Variants in MTRFR observed in about 807,000 individuals in gnomAD.
MTRFR encodes probable peptide chain release factor C12orf65, mitochondrial.
MTRFR carries 10 observed loss-of-function variants against 11.9 expected under a neutral mutation model. That is an observed-to-expected ratio of 0.84 (90% CI 0.52 to 1.42). MTRFR has a LOEUF of 1.42. Ranked by LOEUF, MTRFR falls within the 40% of genes most tolerant of loss-of-function variation. MTRFR has a pLI of 0.00. For synonymous variants in MTRFR, 77 were observed against 79.1 expected, an observed-to-expected ratio of 0.97 and a Z score of 0.14; for missense variants, 196 against 197.9, an observed-to-expected ratio of 0.99 and a Z score of 0.06.
At chr12:123,250,915 C>T (rs1337626433) in intron 1 of MTRFR, 1 of 152,160 alleles carries the variant, frequency 6.6e-6, no homozygotes, top group African/African-American at 2.4e-5. Flanking sequence ...TTTATTTGCC[C>T]TTTGTCTTCC....
At position 123,256,953 on chromosome 12, in the gene MTRFR, G is replaced by GA; in HGVS notation, c.430dup (p.Arg144LysfsTer13). On this transcript the variant is annotated frameshift_variant, in exon 3 of 3. Coordinates refer to ENST00000253233, the MANE Select transcript of MTRFR (RefSeq NM_152269.5). LOFTEE classifies it high-confidence loss of function. Reference sequence around the variant, plus strand: ...AAGCGGCGAAGAAAAAACAAGAAAGGAAAAAAAGAGCAAAGGAAACCCTGG... The same window carrying GA: ...AAGCGGCGAAGAAAAAACAAGAAAGGAAAAAAAAGAGCAAAGGAAACCCTGG... The GA allele has an allele frequency of 6.2e-7, 1 of 1,613,046 alleles. No homozygotes were observed. Among genetic ancestry groups the GA allele is most frequent in the Non-Finnish European group, 8.5e-7 (1 of 1,179,758 alleles).
intron 1 of MTRFR, among the ~76,000 whole-genome samples, chr12:123,246,490 G>A (rs962882071): frequency 8.8e-6 from 1 of 113,922 alleles, no homozygotes; most frequent in Admixed American, 1.0e-4. Flanking sequence ...TTTTGTTCTT[G>A]TGCCCAGGCT....
intron 1 of MTRFR, among the ~76,000 whole-genome samples, chr12:123,244,207 T>TG (rs2047997908): frequency 6.6e-6 from 1 of 152,174 alleles, no homozygotes; most frequent in Admixed American, 6.5e-5. Flanking sequence ...CTGAGGCTGG[T>TG]GGATCACCTC....
At chr12:123,248,454 T>TC (rs1336534321) in intron 1 of MTRFR, 1 of 157,250 alleles carries the variant, frequency 6.4e-6, no homozygotes, top group African/African-American at 2.4e-5. Context: ...CTTGCTGACT[T>TC]CAAGAATGAA....
At chr12:123,247,526 C>T (rs1233536466) in intron 1 of MTRFR, among the ~76,000 whole-genome samples, 3 of 152,160 alleles carry the variant, frequency 2.0e-5, no homozygotes, top group South Asian at 2.1e-4. Context: ...TTTAAGTTTA[C>T]GTGAGTCTTT....
intron 1 of MTRFR, among the ~76,000 whole-genome samples, chr12:123,245,492 A>G (rs1460685968): frequency 1.3e-5 from 2 of 152,100 alleles, no homozygotes; most frequent in South Asian, 2.1e-4. Context: ...CATTTTCACA[A>G]TATTGATTCT....
rs11554169 is a variant in MTRFR, at chr12:123,257,159, C to A, written c.*128C>A. On this transcript the variant is annotated 3_prime_UTR_variant, in exon 3 of 3. Transcript: ENST00000253233. Reference sequence around the variant, plus strand: ...TATTTTTGATGAACTTAAAAGACAACAAATTTATTTAAATGGTGCACTAAA... The same window carrying A: ...TATTTTTGATGAACTTAAAAGACAAAAAATTTATTTAAATGGTGCACTAAA... The A allele has an allele frequency of 0.05, 39,928 of 797,474 alleles. 1,967 individuals are homozygous for A. Among genetic ancestry groups the A allele is most frequent in the East Asian group, 0.25 (10,213 of 40,844 alleles). 49.4% of individuals were successfully genotyped at this position (797,474 alleles called of 1,614,324 possible).
chr12:123,236,946 G>A (rs923046597), intron 1 of MTRFR, among the ~76,000 whole-genome samples: 3 of 151,970 alleles, frequency 2.0e-5, no homozygotes, highest in African/African-American at 4.8e-5. Context: ...TTAGCCAAGC[G>A]TGGCGGCATG....
At chr12:123,235,827 G>A (rs1354208787) in intron 1 of MTRFR, among the ~76,000 whole-genome samples, 1 of 151,926 alleles carries the variant, frequency 6.6e-6, no homozygotes, top group African/African-American at 2.4e-5. Context: ...ACTTCGGGAG[G>A]CCGAGGCAAG....
intron 1 of MTRFR, among the ~76,000 whole-genome samples, chr12:123,253,002 T>G (rs2138790464): frequency 6.6e-6 from 1 of 150,976 alleles, no homozygotes; most frequent in Non-Finnish European, 1.5e-5. Context: ...ATACTGGCAC[T>G]TGACCCAGAT....
At chr12:123,239,873 T>G (rs370620116) in intron 1 of MTRFR, among the ~76,000 whole-genome samples, 4 of 152,162 alleles carry the variant, frequency 2.6e-5, no homozygotes, top group Non-Finnish European at 5.9e-5. Flanking sequence ...CTTGGGACGA[T>G]TTCCTTGCCC....
intron 2 of MTRFR, 158 bp downstream of exon 2, chr12:123,254,114 C>T (rs1305470116): frequency 6.2e-6 from 5 of 807,796 alleles, no homozygotes; most frequent in African/African-American, 1.7e-5. Context: ...CCGCAGATCT[C>T]GTCCCATCCC....
chr12:123,242,282 T>G (rs1024504428), intron 1 of MTRFR, among the ~76,000 whole-genome samples: 1 of 152,174 alleles, frequency 6.6e-6, no homozygotes, highest in Non-Finnish European at 1.5e-5. Flanking sequence ...GCGCCAGCCC[T>G]ACGCCGAAGC....
chr12:123,241,668 C>G (rs2047939781), intron 1 of MTRFR, among the ~76,000 whole-genome samples: 2 of 151,824 alleles, frequency 1.3e-5, no homozygotes. Context: ...TGAGGTCTCC[C>G]TATGTTGCAC....
At position 123,253,822 on chromosome 12, in the gene MTRFR, C is replaced by G; in HGVS notation, c.148C>G (p.Pro50Ala). 1 of 1,614,178 alleles carries G rather than the reference C, an allele frequency of 6.2e-7. No homozygotes were observed. Among genetic ancestry groups the G allele is most frequent in the Non-Finnish European group, 8.5e-7 (1 of 1,180,048 alleles). The change falls in exon 2 of 3, where the codon CCT (proline) becomes GCT (alanine). Residue 50 changes from proline to alanine, a missense_variant. Transcript: ENST00000253233. ...CCAGATGGCAGGCAAGAAGGACTAC[C>G]CTGCACTGCTTTCCTTGGATGAGAA... ...PVQMAGKKDY[P>A]ALLSLDENEL...
intron 1 of MTRFR, among the ~76,000 whole-genome samples, chr12:123,243,105 G>T (rs907709068): frequency 5.9e-5 from 9 of 152,148 alleles, no homozygotes; most frequent in African/African-American, 2.2e-4. Flanking sequence ...TAAGGTATTT[G>T]ATTTTATACA....
chr12:123,248,951 T>A (rs1370221726), intron 1 of MTRFR: 3 of 120,868 alleles, frequency 2.5e-5, no homozygotes, highest in African/African-American at 5.0e-5. Flanking sequence ...GTTCTCCAAG[T>A]CCCTAGATTT....
chr12:123,248,014 G>A (rs1159236273), intron 1 of MTRFR, among the ~76,000 whole-genome samples: 1 of 151,948 alleles, frequency 6.6e-6, no homozygotes. Flanking sequence ...TGTACTTTAG[G>A]GGTTTTTTGG....
Position 123,257,532 on chromosome 12 carries a change from AAAAAT to A in MTRFR, c.*506_*510del, listed in dbSNP as rs1434145868. ...ACAGAGCGAGACCCCATCTCAAAAA[AAAAAT>A]AAAACTAGTTCAAGTGCAATGACAC... On this transcript the variant is annotated 3_prime_UTR_variant, in exon 3 of 3. Transcript: ENST00000253233. The A allele has an allele frequency of 6.3e-6, 1 of 159,204 alleles. No individual in the cohort carries two copies. The highest frequency in any genetic ancestry group is 1.4e-5 in the Non-Finnish European group (1 of 72,178). 9.9% of individuals were successfully genotyped at this position (159,204 alleles called of 1,614,324 possible). A position where few individuals can be genotyped will look rare whatever the true frequency, so the allele number is the denominator to read the frequency against.
Sources: allele counts gnomAD v4.1 joint callset (sites outside exome capture counted in the v4.1 genomes callset), GRCh38; gene constraint gnomAD v4.1.1; transcripts MANE v1.5; gene names NCBI Gene and HGNC (gene_info 2026-07-23, HGNC 2026-07-21).